Variants in THSD4 observed in about 807,000 individuals in gnomAD.
THSD4 encodes the protein thrombospondin type 1 domain containing 4.
THSD4 carries 69 observed loss-of-function variants against 119.0 expected under a neutral mutation model. The ratio of observed to expected loss-of-function variants is 0.58; its 90% CI spans 0.48 to 0.71. The LOEUF is 0.71. THSD4 is among the 30% of genes least tolerant of loss of function. The probability of loss-of-function intolerance (pLI) is 0.00; values close to 1 mark genes in which losing one functional copy is unlikely to be tolerated. For missense variants in THSD4, 1,393 were observed against 1,391.1 expected, an observed-to-expected ratio of 1.00 and a Z score of -0.02; for synonymous variants, 524 against 540.4, an observed-to-expected ratio of 0.97 and a Z score of 0.42.
intron 6 of THSD4, among the ~76,000 whole-genome samples, chr15:71,313,972 C>T (rs936638417): frequency 6.6e-5 from 10 of 152,118 alleles, no homozygotes; most frequent in Non-Finnish European, 1.0e-4. Context: ...TGCTCTGATA[C>T]GGATGATGAG....
At chr15:71,766,281 C>T (rs917309209) in intron 16 of THSD4, among the ~76,000 whole-genome samples, 1 of 151,978 alleles carries the variant, frequency 6.6e-6, no homozygotes, top group South Asian at 2.1e-4. Context: ...CAGAAAACCT[C>T]CTGAGGGCCC....
chr15:71,748,465 G>A lies in THSD4; in HGVS notation c.2286G>A (p.Lys762=). 6.2e-7 allele frequency: 1 copy of A among 1,614,222 alleles called. No individual in the cohort carries two copies. The highest frequency in any genetic ancestry group is 8.5e-7 in the Non-Finnish European group (1 of 1,180,028). The change falls in exon 14 of 18, where the codon AAG becomes AAA. Residue 762 remains lysine (K), a synonymous_variant. Transcript: ENST00000261862. ...CGVGQRTRDV[K]CVSNIGDVVD... Reference sequence around the variant, plus strand: ...TGGGACAGAGGACCCGTGATGTGAAGTGTGTGAGCAACATTGGGGATGTGG... The same window carrying A: ...TGGGACAGAGGACCCGTGATGTGAAATGTGTGAGCAACATTGGGGATGTGG...
intron 6 of THSD4, among the ~76,000 whole-genome samples, chr15:71,284,206 G>A (rs902458339): frequency 5.3e-5 from 8 of 152,164 alleles, no homozygotes; most frequent in African/African-American, 1.4e-4. Flanking sequence ...ATGCCTGTTT[G>A]TCTTAATAGA....
chr15:71,530,410 G>A (rs2048590220), intron 7 of THSD4, among the ~76,000 whole-genome samples: 2 of 152,160 alleles, frequency 1.3e-5, no homozygotes, highest in African/African-American at 2.4e-5. Context: ...ATCAGAGATT[G>A]AAGCAGGACA....
chr15:71,488,211 A>C (rs189045515), intron 7 of THSD4, among the ~76,000 whole-genome samples: 1 of 152,312 alleles, frequency 6.6e-6, no homozygotes, highest in African/African-American at 2.4e-5. Flanking sequence ...TAGATGTTGA[A>C]TTATGCTTTT....
chr15:71,238,666 C>T (rs1056867019), intron 4 of THSD4, among the ~76,000 whole-genome samples: 2 of 152,150 alleles, frequency 1.3e-5, no homozygotes, highest in Admixed American at 6.5e-5. Flanking sequence ...TGTGGGTATA[C>T]CAATGTTTTA....
chr15:71,449,555 C>T (rs1429985141), intron 7 of THSD4, among the ~76,000 whole-genome samples: 1 of 152,258 alleles, frequency 6.6e-6, no homozygotes, highest in East Asian at 1.9e-4. Context: ...CTTACAGTGC[C>T]TGCTACTCTG....
At chr15:71,247,211 T>A (rs113362063) in intron 5 of THSD4, among the ~76,000 whole-genome samples, 4,884 of 151,462 alleles carry the variant, frequency 0.032, 280 homozygotes, top group African/African-American at 0.11. Flanking sequence ...GTTTTTTTGT[T>A]TGTTTATTTT....
At chr15:71,111,677 A>G (rs556743343), upstream of THSD4, 10 of 554,368 alleles carry the variant, frequency 1.8e-5, no homozygotes, top group African/African-American at 1.5e-4. Flanking sequence ...GGATCCTGGT[A>G]CCTCCTTCAG....
chr15:71,132,822 A>G (rs2040515994), intron 1 of THSD4, among the ~76,000 whole-genome samples: 1 of 152,200 alleles, frequency 6.6e-6, no homozygotes, highest in African/African-American at 2.4e-5. Flanking sequence ...GTGTACGCTC[A>G]TGCACAGATG....
chr15:71,736,844 A>G (rs370363346), intron 10 of THSD4, among the ~76,000 whole-genome samples: 11 of 152,246 alleles, frequency 7.2e-5, no homozygotes, highest in Admixed American at 2.0e-4. Flanking sequence ...AAACAAAGCA[A>G]TAACATCTAA....
chr15:71,561,311 G>A (rs189791883), intron 7 of THSD4, among the ~76,000 whole-genome samples: 69 of 152,256 alleles, frequency 4.5e-4, no homozygotes, highest in Non-Finnish European at 7.6e-4. Flanking sequence ...TGTCAATATC[G>A]TAGAGTTTTA....
chr15:71,341,628 T>G, intron 6 of THSD4: 1 of 1,587,088 alleles, frequency 6.3e-7, no homozygotes, highest in Admixed American at 1.7e-5. Flanking sequence ...GTTTCACGAG[T>G]GTTCTTAAAG....
chr15:71,449,299 C>T (rs1311056064), intron 7 of THSD4, among the ~76,000 whole-genome samples: 3 of 152,198 alleles, frequency 2.0e-5, no homozygotes, highest in African/African-American at 7.2e-5. Flanking sequence ...TGGTTTAAAA[C>T]TCTTGTTCCA....
At chr15:71,539,007 C>T (rs1040346755) in intron 7 of THSD4, among the ~76,000 whole-genome samples, 1 of 152,220 alleles carries the variant, frequency 6.6e-6, no homozygotes, top group African/African-American at 2.4e-5. Context: ...CATGGCTGCC[C>T]TGATAGTTAC....
chr15:71,148,925 T>G (rs1342973933), intron 2 of THSD4, among the ~76,000 whole-genome samples: 1 of 152,184 alleles, frequency 6.6e-6, no homozygotes, highest in East Asian at 1.9e-4. Flanking sequence ...ATAATAAAAG[T>G]GTCTGATAGG....
chr15:71,357,604 G>C (rs557829716), intron 6 of THSD4, among the ~76,000 whole-genome samples: 25 of 152,118 alleles, frequency 1.6e-4, no homozygotes, highest in Non-Finnish European at 8.8e-5. Flanking sequence ...TGGCTCTCCC[G>C]CCTGCAGTTT....
intron 15 of THSD4, among the ~76,000 whole-genome samples, chr15:71,763,674 AC>A (rs2141206282): frequency 6.6e-6 from 1 of 151,794 alleles, no homozygotes; most frequent in African/African-American, 2.4e-5. Flanking sequence ...CAGCCTCCTG[AC>A]CCCAGGCGAT....
intron 14 of THSD4, among the ~76,000 whole-genome samples, chr15:71,752,424 T>C (rs1244481500): frequency 6.6e-6 from 1 of 152,254 alleles, no homozygotes; most frequent in Non-Finnish European, 1.5e-5. Context: ...TTCAGGGAAC[T>C]CTTTCGTTCG....
Sources: gnomAD v4.1 joint callset for allele counts (sites outside exome capture counted in the v4.1 genomes callset) on GRCh38, gnomAD v4.1.1 for gene constraint, MANE v1.5 for transcripts, NCBI Gene and HGNC (gene_info 2026-07-23, HGNC 2026-07-21) for gene names.